The following KLKB1 variants were observed in gnomAD, a reference collection of about 807,000 sequenced individuals.
KLKB1 encodes kallikrein B1.
A neutral mutation model predicts 73.6 loss-of-function variants in KLKB1; 58 were observed. The observed-to-expected ratio is 0.79, with a 90% CI of 0.64 to 0.98. The LOEUF is 0.98. Ranked by LOEUF, KLKB1 falls within the 50% of genes least tolerant of loss-of-function variation. KLKB1 has a pLI of 0.00. For synonymous variants in KLKB1, 280 were observed against 258.1 expected, an observed-to-expected ratio of 1.08 and a Z score of -0.81; for missense variants, 737 against 763.8, an observed-to-expected ratio of 0.96 and a Z score of 0.41.
Position 186,252,021 on chromosome 4 carries a change from C to T in KLKB1, c.1149C>T (p.Cys383=). 1 of 1,614,212 alleles carries T rather than the reference C, an allele frequency of 6.2e-7. No homozygotes were observed. ...RLCNTGDNSV[C]TTKTSTRIVG... is the part of the protein sequence containing the mutation. The stretch of plus-strand genomic sequence containing the variant: ...GCGTCAACGCTCTCTTTTCAGTCTG[C>T]ACAACAAAAACAAGCACACGCATTG... The change falls in exon 11 of 15, where the codon TGC becomes TGT. Residue 383 remains cysteine (C), a synonymous_variant. Transcript: ENST00000264690.
intron 11 of KLKB1, among the ~76,000 whole-genome samples, chr4:186,252,437 C>A (rs1738732634): frequency 6.6e-6 from 1 of 152,052 alleles, no homozygotes; most frequent in Non-Finnish European, 1.5e-5. Flanking sequence ...GACAGTACCC[C>A]ACTCCTCCAA....
chr4:186,221,613 T>A (rs1222996686), upstream of KLKB1, among the ~76,000 whole-genome samples: 1 of 152,230 alleles, frequency 6.6e-6, no homozygotes, highest in Non-Finnish European at 1.5e-5. Flanking sequence ...TTTTTCCTTC[T>A]GTTACTGAGT....
chr4:186,222,836 T>C (rs1003196000), upstream of KLKB1, among the ~76,000 whole-genome samples: 2 of 152,194 alleles, frequency 1.3e-5, no homozygotes, highest in African/African-American at 4.8e-5. Context: ...GCAGGTTTAA[T>C]GGTGTTGAAA....
chr4:186,236,717 G>T, intron 4 of KLKB1, 64 bp from the exon 5 acceptor site: 2 of 1,530,836 alleles, frequency 1.3e-6, no homozygotes, highest in Non-Finnish European at 9.0e-7. Context: ...AATGGTAGTG[G>T]GTATCTAATC....
At chr4:186,249,498 C>T (rs141400479) in intron 6 of KLKB1, among the ~76,000 whole-genome samples, 1 of 152,274 alleles carries the variant, frequency 6.6e-6, no homozygotes, top group East Asian at 1.9e-4. Context: ...GCCAGTTACA[C>T]ACAGTCTTGA....
intron 2 of KLKB1, chr4:186,228,954 T>A: frequency 6.6e-6 from 1 of 152,214 alleles, no homozygotes; most frequent in East Asian, 1.9e-4. Flanking sequence ...AGTATTTAAT[T>A]TTCCTCAGAT....
chr4:186,242,064 A>G (rs1006920828), intron 6 of KLKB1, among the ~76,000 whole-genome samples: 16 of 151,898 alleles, frequency 1.1e-4, no homozygotes, highest in African/African-American at 3.9e-4. Context: ...GAGTCAGTGA[A>G]GGGAGATGGG....
At chr4:186,232,086 A>G in intron 2 of KLKB1, 41 bp from the exon 3 acceptor site, 2 of 1,509,608 alleles carry the variant, frequency 1.3e-6, no homozygotes, top group Non-Finnish European at 9.0e-7. Context: ...TAAAATTATT[A>G]TATGAATTAT....
At position 186,220,788 on chromosome 4, in the gene KLKB1, C is replaced by G. The variant is rs10001093; in HGVS notation, c.202-11339C>G. On this transcript the variant is annotated intron_variant, in intron 2 of 14. Transcript: ENST00000511608. Reference sequence around the variant, plus strand: ...TTTTAATTTTATTTTATTGTGATGTCCTTGTTTGGCTCTGCTATCAAAGTA... The same window carrying G: ...TTTTAATTTTATTTTATTGTGATGTGCTTGTTTGGCTCTGCTATCAAAGTA... 3.0e-3 allele frequency among the ~76,000 whole-genome samples: 451 copies of G among 152,214 alleles called. 1 individual carries two copies. The highest frequency in any genetic ancestry group is 0.01 in the African/African-American group (428 of 41,542).
At chr4:186,251,092 G>A (rs1738645405) in intron 7 of KLKB1, 127 bp from the exon 8 acceptor site, 1 of 666,704 alleles carries the variant, frequency 1.5e-6, no homozygotes. Flanking sequence ...GATTTACTTT[G>A]AAGAGAGTTT....
rs1468714893 is a variant in KLKB1, at chr4:186,246,286, A to C, written c.599-3957A>C. 3.9e-5 allele frequency among the ~76,000 whole-genome samples: 6 copies of C among 152,130 alleles called. No homozygotes were observed. In the East Asian group the frequency reaches 1.2e-3, roughly 30 times the overall value. ...AAAAGGAGGATTGGAAAGACTCAGC[A>C]ACACTTGGGGTTGGGATTGAGAGGA... On this transcript the variant is annotated intron_variant, in intron 6 of 14. Transcript: ENST00000264690.
Position 186,215,444 on chromosome 4 carries a change from T to C in KLKB1, c.201+6172T>C, listed in dbSNP as rs368782274. ...TGCTTTCTCTCTCTCTCTCCTTGCTTGCTTGCTTTCCTTTTTTTTTTTCTA... is the reference window on the plus strand; with the variant it reads ...TGCTTTCTCTCTCTCTCTCCTTGCTCGCTTGCTTTCCTTTTTTTTTTTCTA... On this transcript the variant is annotated intron_variant, in intron 2 of 14. Coordinates refer to the KLKB1 transcript ENST00000511608. 8.6e-5 allele frequency among the ~76,000 whole-genome samples: 13 copies of C among 151,700 alleles called. No individual in the cohort carries two copies. In the East Asian group the frequency reaches 2.3e-3, roughly 27 times the overall value.
At chr4:186,222,788 G>C (rs190992721), upstream of KLKB1, among the ~76,000 whole-genome samples, 368 of 152,162 alleles carry the variant, frequency 2.4e-3, 2 homozygotes, top group African/African-American at 8.5e-3. Flanking sequence ...GTGTCCTTTT[G>C]TTTAAACTTG....
intron 6 of KLKB1, among the ~76,000 whole-genome samples, chr4:186,245,117 A>T (rs1169107961): frequency 6.6e-6 from 1 of 152,132 alleles, no homozygotes; most frequent in Non-Finnish European, 1.5e-5. Flanking sequence ...GTGATAACTA[A>T]AAAGGAGTGC....
At chr4:186,236,000 G>A (rs1737655488) in intron 4 of KLKB1, among the ~76,000 whole-genome samples, 1 of 151,596 alleles carries the variant, frequency 6.6e-6, no homozygotes, top group Non-Finnish European at 1.5e-5. Context: ...TGTAGTCCCA[G>A]CTACTCGGGA....
At position 186,233,957 on chromosome 4, in the gene KLKB1, G is replaced by A. The variant is rs1395635166; in HGVS notation, c.227G>A (p.Gly76Asp). The change falls in exon 4 of 15, where the codon GGT (glycine) becomes GAT (aspartate). Residue 76 changes from glycine to aspartate, a missense_variant. Physicochemically the swap from Gly to Asp is moderately conservative, Grantham distance 94. Transcript: ENST00000264690. ...SSINDMEKRFGCFLKDSVTGT... is the reference protein window; with the variant it reads ...SSINDMEKRFDCFLKDSVTGT... ...TAAAGCTACTTTTAAAATAGGTTTG[G>A]TTGCTTCTTGAAAGATAGTGTTACA... 2.5e-6 allele frequency: 4 copies of A among 1,611,492 alleles called. No homozygotes were observed. Among genetic ancestry groups the A allele is most frequent in the Non-Finnish European group, 3.4e-6 (4 of 1,177,754 alleles).
chr4:186,230,371 T>C (rs1737334386), intron 2 of KLKB1, among the ~76,000 whole-genome samples: 1 of 152,232 alleles, frequency 6.6e-6, no homozygotes, highest in South Asian at 2.1e-4. Flanking sequence ...TTTTCATATT[T>C]GTTATCTAAT....
chr4:186,246,107 G>A (rs538775158), intron 6 of KLKB1, among the ~76,000 whole-genome samples: 125 of 152,122 alleles, frequency 8.2e-4, no homozygotes, highest in Admixed American at 7.3e-3. Flanking sequence ...AGGGCTAGTC[G>A]TGGAATGAAA....
At chr4:186,227,251 T>TC (rs1737198760), upstream of KLKB1, among the ~76,000 whole-genome samples, 1 of 152,198 alleles carries the variant, frequency 6.6e-6, no homozygotes, top group Admixed American at 6.5e-5. Flanking sequence ...CTCACCTGAT[T>TC]CCTTAGCTCT....
Sources: gnomAD v4.1 joint callset for allele counts (sites outside exome capture counted in the v4.1 genomes callset) on GRCh38, gnomAD v4.1.1 for gene constraint, MANE v1.5 for transcripts, NCBI Gene and HGNC (gene_info 2026-07-23, HGNC 2026-07-21) for gene names.